The following ABL1 variants were observed in gnomAD, a reference collection of about 807,000 sequenced individuals.
ABL1 encodes ABL proto-oncogene 1, non-receptor tyrosine kinase.
ABL1 carries 11 observed loss-of-function variants against 94.7 expected under a neutral mutation model. That is an observed-to-expected ratio of 0.12 (90% CI 0.07 to 0.19). The LOEUF is 0.19. Ranked by LOEUF, ABL1 falls within the 10% of genes least tolerant of loss-of-function variation. ABL1 has a pLI of 1.00. For missense variants in ABL1, 1,082 were observed against 1,489.4 expected (o/e 0.73, Z 4.50); for synonymous variants, 656 against 622.4 (o/e 1.05, Z -0.80).
At chr9:130,778,219 G>C (rs1829694541) in intron 1 of ABL1, among the ~76,000 whole-genome samples, 1 of 130,814 alleles carries the variant, frequency 7.6e-6, no homozygotes, top group Non-Finnish European at 1.6e-5. Flanking sequence ...GCTTTGTGTT[G>C]GGACACTGAC....
chr9:130,761,843 TTTAA>T lies in ABL1; in HGVS notation c.136+47390_136+47393del, dbSNP rs1197034461. On this transcript the variant is annotated intron_variant, in intron 1 of 10. Transcript: ENST00000372348. ...TTACAAAATAAATAAATGCTCATTA[TTTAA>T]TAAGAAAATTCACATCTGGGCTCAG... is the stretch of plus-strand genomic sequence containing the variant. Among the ~76,000 whole-genome samples, 52 of 152,224 alleles carry T rather than the reference TTTAA, an allele frequency of 3.4e-4. 1 individual carries two copies. The highest frequency in any genetic ancestry group is 1.2e-3 in the African/African-American group (51 of 41,452).
In ABL1 at chr9:130,854,831, A is replaced by G; in HGVS notation, c.284A>G (p.His95Arg). Residue 95 changes from histidine to arginine, a missense_variant, in exon 3 of 11, where the codon CAC becomes CGC. His to Arg is a conservative substitution (Grantham distance 29, BLOSUM62 0). This residue lies in a region of ABL1 where 47 missense variants were observed against 142.2 expected (regional missense o/e 0.33). Transcript: ENST00000318560. ...AAGCTCCGGGTCTTAGGCTATAATC[A>G]CAATGGGGAATGGTGTGAAGCCCAA... ...GEKLRVLGYN[H>R]NGEWCEAQTK... 6.2e-7 allele frequency: 1 copy of G among 1,614,190 alleles called. No individual in the cohort carries two copies. Among genetic ancestry groups the G allele is most frequent in the Non-Finnish European group, 8.5e-7 (1 of 1,180,026 alleles).
intron 8 of ABL1, among the ~76,000 whole-genome samples, chr9:130,879,344 CCCTA>C (rs1377978442): frequency 6.6e-6 from 1 of 152,226 alleles, no homozygotes; most frequent in Non-Finnish European, 1.5e-5. Flanking sequence ...CTCTCCCTCT[CCCTA>C]CCTCTTATTT....
chr9:130,723,892 A>G (rs538266924), intron 1 of ABL1, among the ~76,000 whole-genome samples: 1 of 150,516 alleles, frequency 6.6e-6, no homozygotes, highest in South Asian at 2.1e-4. Flanking sequence ...GCTCACTGCA[A>G]GTTCCGCCTC....
At chr9:130,757,467 T>C (rs568390644) in intron 1 of ABL1, among the ~76,000 whole-genome samples, 1 of 145,398 alleles carries the variant, frequency 6.9e-6, no homozygotes, top group African/African-American at 2.5e-5. Flanking sequence ...GAGGCTGAGG[T>C]GGGAGGACCG....
intron 1 of ABL1, among the ~76,000 whole-genome samples, chr9:130,821,519 C>T (rs1288830922): frequency 6.6e-6 from 1 of 152,054 alleles, no homozygotes; most frequent in Non-Finnish European, 1.5e-5. Flanking sequence ...ACATTTTTCT[C>T]TATTCACTAG....
chr9:130,850,912 T>TTTTGTTTG (rs574899693), intron 1 of ABL1, among the ~76,000 whole-genome samples: 24 of 135,782 alleles, frequency 1.8e-4, no homozygotes, highest in African/African-American at 6.7e-4. Context: ...TTTTGTTTGT[T>TTTTGTTTG]TTTGTTTGTT....
At chr9:130,855,504 C>A (rs985542213) in intron 3 of ABL1, among the ~76,000 whole-genome samples, 13 of 152,252 alleles carry the variant, frequency 8.5e-5, no homozygotes, top group African/African-American at 2.6e-4. Context: ...ACTATCCCCT[C>A]CCCCACAGAC....
chr9:130,798,006 T>C (rs967968835), intron 1 of ABL1, among the ~76,000 whole-genome samples: 2 of 152,188 alleles, frequency 1.3e-5, no homozygotes, highest in African/African-American at 2.4e-5. Flanking sequence ...CAGGTCAGAA[T>C]TGATACAGCT....
At chr9:130,878,899 C>T (rs971224968) in intron 8 of ABL1, among the ~76,000 whole-genome samples, 70 of 130,992 alleles carry the variant, frequency 5.3e-4, no homozygotes, top group Middle Eastern at 4.9e-3. Context: ...TTTTTTGAGA[C>T]GGAGTTTCGC....
At chr9:130,763,573 G>T (rs867086500) in intron 1 of ABL1, among the ~76,000 whole-genome samples, 2 of 152,142 alleles carry the variant, frequency 1.3e-5, no homozygotes, top group African/African-American at 2.4e-5. Flanking sequence ...CTTAACTGGG[G>T]CTGGCAGGCC....
chr9:130,829,970 G>A (rs892094764), intron 1 of ABL1, among the ~76,000 whole-genome samples: 1 of 152,146 alleles, frequency 6.6e-6, no homozygotes, highest in Non-Finnish European at 1.5e-5. Flanking sequence ...TCTGAAGGAG[G>A]CTGTCTCTGC....
chr9:130,761,241 A>C (rs1294269017), intron 1 of ABL1, among the ~76,000 whole-genome samples: 3 of 152,192 alleles, frequency 2.0e-5, no homozygotes, highest in African/African-American at 7.2e-5. Flanking sequence ...TGCTGGGATT[A>C]CAGGCGTGAG....
At chr9:130,827,983 C>A (rs1280646079) in intron 1 of ABL1, among the ~76,000 whole-genome samples, 1 of 150,658 alleles carries the variant, frequency 6.6e-6, no homozygotes, top group Non-Finnish European at 1.5e-5. Context: ...AAGAACTATT[C>A]TTTGCTATCC....
intron 1 of ABL1, among the ~76,000 whole-genome samples, chr9:130,824,621 CT>C (rs1368219673): frequency 7.9e-5 from 12 of 152,262 alleles, no homozygotes; most frequent in African/African-American, 2.9e-4. Flanking sequence ...GAATACAGAT[CT>C]TAGGCACCAG....
chr9:130,736,388 A>G (rs1435876703), intron 1 of ABL1, among the ~76,000 whole-genome samples: 1 of 152,176 alleles, frequency 6.6e-6, no homozygotes, highest in Non-Finnish European at 1.5e-5. Context: ...AAGAGAGTGT[A>G]TTGTCAAGCT....
intron 1 of ABL1, among the ~76,000 whole-genome samples, chr9:130,753,289 G>T (rs1268404596): frequency 6.6e-6 from 1 of 152,048 alleles, no homozygotes; most frequent in African/African-American, 2.4e-5. Context: ...GCTCCTACTT[G>T]TGCTGCAGAG....
At chr9:130,713,441 C>T (rs897189568) in exon 1 of ABL1, among the ~76,000 whole-genome samples, 6 of 149,416 alleles carry the variant, frequency 4.0e-5, no homozygotes, top group Admixed American at 4.0e-4. Context: ...AAGAGCGTCG[C>T]CCCGGAGTAA....
chr9:130,876,411 CTTTTTT>C (rs60634610), intron 7 of ABL1, among the ~76,000 whole-genome samples: 14 of 142,496 alleles, frequency 9.8e-5, no homozygotes, highest in Non-Finnish European at 9.2e-5. Flanking sequence ...ATTACTTTTT[CTTTTTT>C]TTTTTTGGAG....
Sources: allele counts gnomAD v4.1 joint callset (sites outside exome capture counted in the v4.1 genomes callset), GRCh38; gene constraint gnomAD v4.1.1; regional missense constraint gnomAD v4.1.1; transcripts MANE v1.5; gene names NCBI Gene and HGNC (gene_info 2026-07-23, HGNC 2026-07-21).